The following EMCN variants were observed in gnomAD, a reference collection of about 807,000 sequenced individuals.
The protein encoded by EMCN is endomucin, also known as MUC-14.
EMCN carries 37 observed loss-of-function variants against 38.4 expected under a neutral mutation model. The ratio of observed to expected loss-of-function variants is 0.96; its 90% CI spans 0.74 to 1.27. EMCN has a LOEUF of 1.27. Ranked by LOEUF, EMCN falls within the 50% of genes most tolerant of loss-of-function variation. The pLI is 0.00. For missense variants in EMCN, 318 were observed against 302.8 expected (o/e 1.05, Z -0.37); for synonymous variants, 95 against 100.8 (o/e 0.94, Z 0.35).
At chr4:100,432,282 C>CA (rs1433165387) in intron 5 of EMCN, among the ~76,000 whole-genome samples, 2 of 151,778 alleles carry the variant, frequency 1.3e-5, no homozygotes, top group Non-Finnish European at 2.9e-5. Context: ...TTTTTTCACC[C>CA]AATGGATACC....
intron 11 of EMCN, among the ~76,000 whole-genome samples, chr4:100,400,189 T>TA (rs1553925673): frequency 6.6e-6 from 1 of 152,158 alleles, no homozygotes; most frequent in Non-Finnish European, 1.5e-5. Flanking sequence ...ACAGACATTT[T>TA]AAAAAATACA....
intron 2 of EMCN, among the ~76,000 whole-genome samples, chr4:100,477,595 T>C (rs1264538919): frequency 6.6e-6 from 1 of 152,222 alleles, no homozygotes; most frequent in Admixed American, 6.5e-5. Flanking sequence ...AAATTGTATG[T>C]GATTTAGAAA....
chr4:100,462,658 A>G (rs1728212032), intron 4 of EMCN, among the ~76,000 whole-genome samples: 1 of 152,126 alleles, frequency 6.6e-6, no homozygotes, highest in Admixed American at 6.6e-5. Context: ...CCTTTTAGAT[A>G]TATATTACTT....
intron 4 of EMCN, among the ~76,000 whole-genome samples, chr4:100,455,261 G>A (rs1312705158): frequency 6.6e-6 from 1 of 151,822 alleles, no homozygotes; most frequent in African/African-American, 2.4e-5. Flanking sequence ...TACATATGTC[G>A]TAAACCTTCC....
chr4:100,477,020 G>A (rs984614514), intron 2 of EMCN, among the ~76,000 whole-genome samples: 1 of 152,110 alleles, frequency 6.6e-6, no homozygotes, highest in African/African-American at 2.4e-5. Context: ...TCTACATAGA[G>A]GATGTACAAT....
chr4:100,406,084 A>G (rs189229552), intron 11 of EMCN, among the ~76,000 whole-genome samples: 8 of 152,022 alleles, frequency 5.3e-5, no homozygotes, highest in Admixed American at 5.2e-4. Flanking sequence ...GTCAGTGGTA[A>G]TATCCACTAT....
chr4:100,506,167 A>C (rs1729474653), intron 1 of EMCN, among the ~76,000 whole-genome samples: 1 of 152,196 alleles, frequency 6.6e-6, no homozygotes, highest in Non-Finnish European at 1.5e-5. Context: ...TAAGTTAATT[A>C]TTTATAGTAA....
chr4:100,491,623 C>T (rs565454530), intron 1 of EMCN, among the ~76,000 whole-genome samples: 15 of 152,132 alleles, frequency 9.9e-5, no homozygotes, highest in Non-Finnish European at 2.2e-4. Context: ...CAACCCTGTC[C>T]AACTCTTAAA....
chr4:100,434,900 C>G (rs1367048715), intron 5 of EMCN, among the ~76,000 whole-genome samples: 2 of 152,080 alleles, frequency 1.3e-5, no homozygotes, highest in Non-Finnish European at 2.9e-5. Context: ...CCATATATGA[C>G]AAACCCACAG....
chr4:100,404,084 G>A (rs1292189339), intron 11 of EMCN, among the ~76,000 whole-genome samples: 1 of 151,962 alleles, frequency 6.6e-6, no homozygotes. Flanking sequence ...GCTAGGTCTT[G>A]TTAGTTTTTG....
chr4:100,485,175 G>A (rs1560635732), intron 1 of EMCN, among the ~76,000 whole-genome samples: 1 of 152,082 alleles, frequency 6.6e-6, no homozygotes, highest in African/African-American at 2.4e-5. Context: ...CTAATTTATG[G>A]AATTGATATT....
intron 1 of EMCN, chr4:100,486,716 C>T (rs556521330): frequency 2.5e-4 from 101 of 402,566 alleles, no homozygotes; most frequent in Non-Finnish European, 3.0e-4. Context: ...GCCACCTGGC[C>T]GCTCTGGGGA....
intron 1 of EMCN, among the ~76,000 whole-genome samples, chr4:100,513,915 G>A (rs1729690167): frequency 6.6e-6 from 1 of 152,030 alleles, no homozygotes; most frequent in African/African-American, 2.4e-5. Flanking sequence ...TTACTTTCAA[G>A]GCACTTATAA....
intron 4 of EMCN, among the ~76,000 whole-genome samples, chr4:100,449,084 A>T (rs1368156376): frequency 2.6e-5 from 4 of 152,226 alleles, no homozygotes; most frequent in Non-Finnish European, 5.9e-5. Context: ...TATCTTGTTC[A>T]GAGAAGTGAT....
intron 3 of EMCN, among the ~76,000 whole-genome samples, chr4:100,474,472 TG>T (rs1256710956): frequency 1.2e-4 from 18 of 152,198 alleles, no homozygotes; most frequent in African/African-American, 4.3e-4. Flanking sequence ...AGAGTTAACC[TG>T]TGACTTAGCA....
At chr4:100,514,088 AAAG>A (rs1051797300) in intron 1 of EMCN, among the ~76,000 whole-genome samples, 2 of 152,044 alleles carry the variant, frequency 1.3e-5, no homozygotes. Flanking sequence ...ATTCAGGACT[AAAG>A]AACATTCACC....
intron 2 of EMCN, among the ~76,000 whole-genome samples, chr4:100,476,907 A>G (rs2110277600): frequency 6.6e-6 from 1 of 152,372 alleles, no homozygotes; most frequent in South Asian, 2.1e-4. Flanking sequence ...AAGACTACAG[A>G]GAAAAATGGG....
At chr4:100,421,403 A>G (rs1383374005) in intron 7 of EMCN, 26 bp from the exon 8 acceptor site, 5 of 1,572,964 alleles carry the variant, frequency 3.2e-6, no homozygotes, top group African/African-American at 1.3e-5. Context: ...GACATTGTCA[A>G]TTAGAGTGGC....
chr4:100,463,246 C>T (rs1728229631), intron 4 of EMCN, among the ~76,000 whole-genome samples: 1 of 152,114 alleles, frequency 6.6e-6, no homozygotes, highest in Non-Finnish European at 1.5e-5. Context: ...GTATTCCTAT[C>T]TCCCAATATA....
Sources: allele counts gnomAD v4.1 joint callset (sites outside exome capture counted in the v4.1 genomes callset), GRCh38; gene constraint gnomAD v4.1.1; transcripts MANE v1.5; gene names NCBI Gene and HGNC (gene_info 2026-07-23, HGNC 2026-07-21).